ANKRD12: variants seen among roughly 807,000 people sequenced by gnomAD.
ANKRD12 encodes ankyrin repeat domain-containing protein 12.
Under a neutral mutation model 183.4 loss-of-function variants are expected in ANKRD12, and 85 were observed. The ratio of observed to expected loss-of-function variants is 0.46; its 90% CI spans 0.39 to 0.56. The LOEUF (loss-of-function observed/expected upper bound fraction) is 0.56. ANKRD12 is among the 20% of genes least tolerant of loss of function. The probability of loss-of-function intolerance (pLI) is 0.00; values close to 1 mark genes in which losing one functional copy is unlikely to be tolerated. For synonymous variants in ANKRD12, 914 were observed against 800.2 expected (o/e 1.14, Z -2.40); for missense variants, 2,405 against 2,357.1 (o/e 1.02, Z -0.42).
At chr18:9,233,642 G>A (rs536287960) in intron 8 of ANKRD12, among the ~76,000 whole-genome samples, 3 of 152,296 alleles carry the variant, frequency 2.0e-5, no homozygotes, top group East Asian at 1.9e-4. Flanking sequence ...TTCTGGGTGC[G>A]CGTGATAGTG....
intron 2 of ANKRD12, among the ~76,000 whole-genome samples, chr18:9,185,101 C>T (rs1036566224): frequency 2.0e-5 from 3 of 152,072 alleles, no homozygotes; most frequent in Non-Finnish European, 4.4e-5. Flanking sequence ...GTAGTATAAG[C>T]GAAAGAAACA....
Position 9,268,471 on chromosome 18 carries a change from G to A in ANKRD12, c.5763+4583G>A, listed in dbSNP as rs543218362. On this transcript the variant is annotated intron_variant, in intron 10 of 12. Transcript: ENST00000262126. The stretch of plus-strand genomic sequence containing the variant: ...GGGATGCAAGGCTGGTTCAGCATAC[G>A]CAAATCAATAAACGTAATCCAGCAT... Among the ~76,000 whole-genome samples, 36 of 152,244 alleles carry A rather than the reference G, an allele frequency of 2.4e-4. 1 individual carries two copies. In the South Asian group the frequency reaches 5.2e-3, roughly 22 times the overall value.
chr18:9,284,489 T>A lies in ANKRD12; in HGVS notation c.*3363T>A, dbSNP rs188255961. 1.2e-4 allele frequency: 18 copies of A among 152,340 alleles called. No individual in the cohort carries two copies. In the East Asian group the frequency reaches 3.5e-3, roughly 29 times the overall value. 9.4% of individuals were successfully genotyped at this position (152,340 alleles called of 1,614,324 possible). On this transcript the variant is annotated 3_prime_UTR_variant, in exon 13 of 13. Coordinates refer to ENST00000262126, the MANE Select transcript of ANKRD12 (RefSeq NM_015208.5). ...AAACGCAATGAAATAGTCCTCTTTT[T>A]AAACAGTTTAAAGGAAGCATTTTCA...
chr18:9,216,157 A>G (rs763357589), intron 6 of ANKRD12, among the ~76,000 whole-genome samples: 8 of 151,920 alleles, frequency 5.3e-5, no homozygotes, highest in Non-Finnish European at 1.0e-4. Context: ...CAAATTTACA[A>G]TGTATTTTTG....
intron 1 of ANKRD12, among the ~76,000 whole-genome samples, chr18:9,152,941 T>C (rs752363441): frequency 3.9e-5 from 6 of 151,934 alleles, no homozygotes; most frequent in Non-Finnish European, 5.9e-5. Flanking sequence ...AATAGACTTA[T>C]TAGATTATAA....
At chr18:9,178,915 A>C (rs1398490382) in intron 1 of ANKRD12, among the ~76,000 whole-genome samples, 2 of 152,086 alleles carry the variant, frequency 1.3e-5, no homozygotes, top group African/African-American at 4.8e-5. Context: ...ATGCTATCAT[A>C]GGTTATATTT....
intron 3 of ANKRD12, among the ~76,000 whole-genome samples, chr18:9,199,379 CTG>C (rs748897516): frequency 2.6e-5 from 4 of 152,178 alleles, no homozygotes; most frequent in Admixed American, 6.5e-5. Context: ...TTTACATTTA[CTG>C]TGTGTATATA....
chr18:9,187,251 T>C (rs1490344679), intron 2 of ANKRD12, among the ~76,000 whole-genome samples: 2 of 151,634 alleles, frequency 1.3e-5, no homozygotes, highest in African/African-American at 4.8e-5. Context: ...GACCCCCGTC[T>C]CTACCAAAAA....
rs1046335851 is a variant in ANKRD12 at position 9,136,827 on chromosome 18, G to C, written c.-190G>C. ...AGCGAGGAGGCTGTGGTGAGAGACG[G>C]ACCGAGACCGGAGATGTTTTCAAGC... is the stretch of plus-strand genomic sequence containing the variant. On this transcript the variant is annotated 5_prime_UTR_variant, in exon 1 of 13. Transcript: ENST00000262126. The C allele has an allele frequency of 1.2e-4, 19 of 152,270 alleles. No homozygotes were observed. The highest frequency in any genetic ancestry group is 4.6e-4 in the African/African-American group (19 of 41,436). 9.4% of individuals were successfully genotyped at this position (152,270 alleles called of 1,614,324 possible). A position where few individuals can be genotyped will look rare whatever the true frequency, so the allele number is the denominator to read the frequency against.
intron 8 of ANKRD12, among the ~76,000 whole-genome samples, chr18:9,245,910 C>T (rs1021903082): frequency 2.6e-5 from 4 of 152,094 alleles, no homozygotes; most frequent in African/African-American, 9.7e-5. Context: ...CTTTTATATA[C>T]TAGGAAGTAA....
intron 3 of ANKRD12, among the ~76,000 whole-genome samples, chr18:9,196,104 TGCAAACACACAC>T (rs1240769596): frequency 2.9e-5 from 2 of 69,690 alleles, no homozygotes; most frequent in Non-Finnish European, 5.9e-5. Flanking sequence ...ATTAGAAACA[TGCAAACACACAC>T]ACACACACAC....
rs1435901627 is a variant in ANKRD12, at chr18:9,282,897, T to C, written c.*1771T>C. ...CAGTGCAAGGACTTTATTATAAAGG[T>C]TGGATGTAGTTTTCCTTAGAAATTT... On this transcript the variant is annotated 3_prime_UTR_variant, in exon 13 of 13. Transcript: ENST00000262126. 2.0e-5 allele frequency: 3 copies of C among 152,304 alleles called. No individual in the cohort carries two copies. Among genetic ancestry groups the C allele is most frequent in the Non-Finnish European group, 4.4e-5 (3 of 67,944 alleles). The allele number at this position is 152,304 out of a possible 1,614,324, so 9.4% of individuals were successfully genotyped here.
At chr18:9,214,210 T>TACATAAAAGTACATAAAAGATAC (rs1413479017) in intron 6 of ANKRD12, among the ~76,000 whole-genome samples, 2 of 152,104 alleles carry the variant, frequency 1.3e-5, no homozygotes, top group East Asian at 1.9e-4. Flanking sequence ...TACATACTAG[T>TACATAAAAGTACATAAAAGATAC]CTGTTCTATC....
intron 1 of ANKRD12, among the ~76,000 whole-genome samples, chr18:9,153,633 AT>A (rs1350554025): frequency 1.3e-5 from 2 of 151,838 alleles, no homozygotes; most frequent in Non-Finnish European, 2.9e-5. Context: ...TTTTTCAAAT[AT>A]TTTGTTTTCT....
chr18:9,195,673 A>G lies in ANKRD12; in HGVS notation c.210A>G (p.Arg70=). ...RKLPFTISPS[R]NEERDSDTDS... ...TTCCTTTTACTATTAGCCCATCAAGAAATGAAGAACGAGATTCAGACACAG... is the reference window on the plus strand; with the variant it reads ...TTCCTTTTACTATTAGCCCATCAAGGAATGAAGAACGAGATTCAGACACAG... The change falls in exon 3 of 13, where the codon AGA becomes AGG. Residue 70 remains arginine, a synonymous_variant. Transcript: ENST00000262126. 1 of 1,611,460 alleles carries G rather than the reference A, an allele frequency of 6.2e-7. No individual in the cohort carries two copies.
At chr18:9,241,301 A>G (rs1038590371) in intron 8 of ANKRD12, among the ~76,000 whole-genome samples, 5 of 152,210 alleles carry the variant, frequency 3.3e-5, no homozygotes, top group Admixed American at 6.5e-5. Flanking sequence ...GAGTATACCT[A>G]TAATAAAAGA....
rs2040168337 is a variant in ANKRD12 at position 9,283,527 on chromosome 18, G to A, written c.*2401G>A. ...GGTATTAAAGATATTCTGAAGCTCTGAAATGCTAGAAAAAAATTTGGAATG... is the reference window on the plus strand; with the variant it reads ...GGTATTAAAGATATTCTGAAGCTCTAAAATGCTAGAAAAAAATTTGGAATG... On this transcript the variant is annotated 3_prime_UTR_variant, in exon 13 of 13. Coordinates refer to ENST00000262126, the MANE Select transcript of ANKRD12 (RefSeq NM_015208.5). 1.3e-5 allele frequency: 2 copies of A among 152,472 alleles called. No individual in the cohort carries two copies. Among genetic ancestry groups the A allele is most frequent in the South Asian group, 2.1e-4 (1 of 4,826 alleles). 9.4% of individuals were successfully genotyped at this position (152,472 alleles called of 1,614,324 possible). A position where few individuals can be genotyped will look rare whatever the true frequency, so the allele number is the denominator to read the frequency against.
At chr18:9,224,907 A>G (rs2036621354) in intron 8 of ANKRD12, among the ~76,000 whole-genome samples, 1 of 152,196 alleles carries the variant, frequency 6.6e-6, no homozygotes, top group Admixed American at 6.5e-5. Context: ...AAGATAAGAT[A>G]ATCTACATTT....
chr18:9,158,279 T>A (rs2030899003), intron 1 of ANKRD12, among the ~76,000 whole-genome samples: 1 of 152,216 alleles, frequency 6.6e-6, no homozygotes, highest in African/African-American at 2.4e-5. Flanking sequence ...TAATAAATGA[T>A]TGTTAACTAA....
Sources: allele counts gnomAD v4.1 joint callset (sites outside exome capture counted in the v4.1 genomes callset), GRCh38; gene constraint gnomAD v4.1.1; transcripts MANE v1.5; gene names NCBI Gene and HGNC (gene_info 2026-07-23, HGNC 2026-07-21).